Variants in AP1AR observed in about 807,000 individuals in gnomAD.
AP1AR encodes adaptor related protein complex 1 associated regulatory protein.
AP1AR carries 29 observed loss-of-function variants against 46.3 expected under a neutral mutation model. That is an observed-to-expected ratio of 0.63 (90% CI 0.47 to 0.85). The LOEUF (loss-of-function observed/expected upper bound fraction) is 0.85. Among genes scored for constraint, AP1AR ranks in the 40% least tolerant of loss-of-function variants. AP1AR has a pLI of 0.00. For missense variants in AP1AR, 357 were observed against 356.3 expected (o/e 1.00, Z -0.02); for synonymous variants, 122 against 122.9 (o/e 0.99, Z 0.05).
intron 1 of AP1AR, among the ~76,000 whole-genome samples, chr4:112,236,679 G>A (rs1725254929): frequency 6.6e-6 from 1 of 152,108 alleles, no homozygotes; most frequent in South Asian, 2.1e-4. Flanking sequence ...AGAATTACAG[G>A]CACGAGCCAC....
Position 112,265,798 on chromosome 4 carries a change from C to T in AP1AR, c.505C>T (p.Arg169Ter), listed in dbSNP as rs779198486. ...TATGAAGTCACAGTATGAAGTTTTT[C>T]GAAGTAGTAGTAAGTTTTTTAAAGT... is the stretch of plus-strand genomic sequence containing the variant. ...RNMKSQYEVF[R>*]SSRLSSDATV... The change falls in exon 8 of 10, where the codon CGA becomes TGA. Residue 169 changes from arginine (R) to a stop codon, truncating the protein, a stop_gained. Coordinates refer to ENST00000274000, the MANE Select transcript of AP1AR (RefSeq NM_018569.6). LOFTEE classifies it high-confidence loss of function. 5.0e-6 allele frequency: 8 copies of T among 1,606,246 alleles called. No homozygotes were observed. The highest frequency in any genetic ancestry group is 1.7e-5 in the Admixed American group (1 of 59,556).
At chr4:112,242,544 A>G (rs181282216) in intron 1 of AP1AR, among the ~76,000 whole-genome samples, 9 of 152,282 alleles carry the variant, frequency 5.9e-5, no homozygotes, top group African/African-American at 1.9e-4. Flanking sequence ...TGCTTCCACT[A>G]GTGGCAAAAG....
chr4:112,233,423 C>T (rs149758713), intron 1 of AP1AR, among the ~76,000 whole-genome samples: 2 of 152,290 alleles, frequency 1.3e-5, no homozygotes, highest in East Asian at 1.9e-4. Context: ...GTTGTTTTAT[C>T]TTGTCATCCA....
chr4:112,232,462 G>A (rs1278114409), intron 1 of AP1AR, among the ~76,000 whole-genome samples: 2 of 152,188 alleles, frequency 1.3e-5, no homozygotes, highest in Non-Finnish European at 2.9e-5. Flanking sequence ...GGAAACAAGG[G>A]GTAGCTTCGC....
intron 9 of AP1AR, 51 bp downstream of exon 9, chr4:112,266,767 G>T: frequency 6.6e-7 from 1 of 1,520,410 alleles, no homozygotes; most frequent in South Asian, 1.2e-5. Flanking sequence ...AATCTGTGTT[G>T]ATTTATGTAA....
rs774999279 is a variant in AP1AR, at chr4:112,234,658, GT to G, written c.83+2499del. 2.0e-3 allele frequency among the ~76,000 whole-genome samples: 279 copies of G among 141,776 alleles called. 2 individuals carry two copies. Among genetic ancestry groups the G allele is most frequent in the Middle Eastern group, 7.6e-3 (2 of 262 alleles). The allele number at this position is 141,776 out of a possible 152,430, so 93.0% of individuals were successfully genotyped here. A position where few individuals can be genotyped will look rare whatever the true frequency, so the allele number is the denominator to read the frequency against. ...GCAATAAGGTTAAACTCTTATTTTA[GT>G]TTTTTTTTTTTTTTATCAGCTGTTT... On this transcript the variant is annotated intron_variant, in intron 1 of 9. Coordinates refer to ENST00000274000, the MANE Select transcript of AP1AR (RefSeq NM_018569.6).
chr4:112,241,247 A>G (rs1348996898), intron 1 of AP1AR, among the ~76,000 whole-genome samples: 1 of 152,072 alleles, frequency 6.6e-6, no homozygotes, highest in East Asian at 1.9e-4. Context: ...TACTACCTGT[A>G]TTAGTCAGGG....
chr4:112,237,460 T>C (rs1282458416), intron 1 of AP1AR, among the ~76,000 whole-genome samples: 2 of 151,438 alleles, frequency 1.3e-5, no homozygotes, highest in Non-Finnish European at 2.9e-5. Flanking sequence ...TTTTCTTTTT[T>C]ATTTTTATTT....
chr4:112,272,626 TG>T lies in AP1AR; in HGVS notation c.*4220del, dbSNP rs1727001167. On this transcript the variant is annotated 3_prime_UTR_variant, in exon 10 of 10. Coordinates refer to ENST00000274000, the MANE Select transcript of AP1AR (RefSeq NM_018569.6). ...AAGAGCCCTAAGACAAAGGTCAAGCTGGGTACTCAATCTTTTGACGTCCCCC... is the reference window on the plus strand; with the variant it reads ...AAGAGCCCTAAGACAAAGGTCAAGCTGGTACTCAATCTTTTGACGTCCCCC... Among the ~76,000 whole-genome samples, 1 of 152,218 alleles carries T rather than the reference TG, an allele frequency of 6.6e-6. No homozygotes were observed. The highest frequency in any genetic ancestry group is 2.4e-5 in the African/African-American group (1 of 41,468).
At chr4:112,244,736 C>A (rs192651347) in intron 1 of AP1AR, among the ~76,000 whole-genome samples, 98 of 152,216 alleles carry the variant, frequency 6.4e-4, no homozygotes, top group African/African-American at 2.2e-3. Flanking sequence ...TTACTCTTGC[C>A]ATTTTCTGTT....
chr4:112,250,680 C>T (rs1012556297), intron 1 of AP1AR, among the ~76,000 whole-genome samples: 1 of 152,098 alleles, frequency 6.6e-6, no homozygotes, highest in Non-Finnish European at 1.5e-5. Context: ...CTGAGTTTGC[C>T]AAATCGAGTA....
At chr4:112,242,607 A>T (rs1400205897) in intron 1 of AP1AR, among the ~76,000 whole-genome samples, 2 of 152,188 alleles carry the variant, frequency 1.3e-5, no homozygotes, top group Non-Finnish European at 2.9e-5. Context: ...GGAAGCAAGG[A>T]GGGAGTGCCA....
In AP1AR at chr4:112,232,055, A is replaced by G; in HGVS notation, c.-37A>G. 4 of 1,276,452 alleles carry G rather than the reference A, an allele frequency of 3.1e-6. No homozygotes were observed. Among genetic ancestry groups the G allele is most frequent in the Non-Finnish European group, 4.1e-6 (4 of 986,802 alleles). 79.1% of individuals were successfully genotyped at this position (1,276,452 alleles called of 1,614,324 possible). A position where few individuals can be genotyped will look rare whatever the true frequency, so the allele number is the denominator to read the frequency against. On this transcript the variant is annotated 5_prime_UTR_variant, in exon 1 of 10. Coordinates refer to ENST00000274000, the MANE Select transcript of AP1AR (RefSeq NM_018569.6). Reference sequence around the variant, plus strand: ...GGCCTGGGTTTGGGCATTGAGCGGGAGGAGGAGGAGGAGCGGCGGCGCCTG... The same window carrying G: ...GGCCTGGGTTTGGGCATTGAGCGGGGGGAGGAGGAGGAGCGGCGGCGCCTG...
chr4:112,236,428 T>C (rs1453907147), intron 1 of AP1AR, among the ~76,000 whole-genome samples: 1 of 144,780 alleles, frequency 6.9e-6, no homozygotes, highest in African/African-American at 2.6e-5. Flanking sequence ...CAAAAAGGAG[T>C]CTCGCTCTCT....
At chr4:112,265,672 A>T in intron 7 of AP1AR, 62 bp from the exon 8 acceptor site, 1 of 1,226,282 alleles carries the variant, frequency 8.2e-7, no homozygotes, top group South Asian at 1.3e-5. Flanking sequence ...TCATTAGCTT[A>T]TATATTTGTC....
chr4:112,266,254 T>A lies in AP1AR; in HGVS notation c.515-334T>A, dbSNP rs116636613. Reference sequence around the variant, plus strand: ...TAGTGGTTCCTTTTGAAAATATAGGTTGCTTTTTGTTTTATCTTTCTTGTT... The same window carrying A: ...TAGTGGTTCCTTTTGAAAATATAGGATGCTTTTTGTTTTATCTTTCTTGTT... On this transcript the variant is annotated intron_variant, in intron 8 of 9. Coordinates refer to ENST00000274000, the MANE Select transcript of AP1AR (RefSeq NM_018569.6). Among the ~76,000 whole-genome samples, 1,009 of 151,864 alleles carry A rather than the reference T, an allele frequency of 6.6e-3. 8 individuals carry two copies. Among genetic ancestry groups the A allele is most frequent in the African/African-American group, 0.023 (947 of 41,516 alleles).
chr4:112,245,579 A>G (rs554286339), intron 1 of AP1AR, among the ~76,000 whole-genome samples: 8 of 152,370 alleles, frequency 5.3e-5, no homozygotes, highest in South Asian at 2.1e-4. Flanking sequence ...CAGTTGCTCA[A>G]TAGCCCCTTG....
At chr4:112,257,545 T>G (rs1256329564) in intron 3 of AP1AR, among the ~76,000 whole-genome samples, 1 of 152,222 alleles carries the variant, frequency 6.6e-6, no homozygotes, top group Non-Finnish European at 1.5e-5. Context: ...TTTTATGTAA[T>G]TAAGCTAGAT....
At chr4:112,261,418 T>C (rs1726436535) in intron 5 of AP1AR, among the ~76,000 whole-genome samples, 1 of 151,730 alleles carries the variant, frequency 6.6e-6, no homozygotes, top group African/African-American at 2.4e-5. Flanking sequence ...GGCAGTAGAG[T>C]GAGACCCTGT....
Sources: allele counts gnomAD v4.1 joint callset (sites outside exome capture counted in the v4.1 genomes callset), GRCh38; gene constraint gnomAD v4.1.1; transcripts MANE v1.5; gene names NCBI Gene and HGNC (gene_info 2026-07-23, HGNC 2026-07-21).